Variants in DCAF12 observed in about 807,000 individuals in gnomAD.
DCAF12 encodes the protein DDB1 and CUL4 associated factor 12, also known as DDB1- and CUL4-associated factor 12.
A neutral mutation model predicts 52.8 loss-of-function variants in DCAF12; 28 were observed. That is an observed-to-expected ratio of 0.53 (90% CI 0.39 to 0.73). The LOEUF (loss-of-function observed/expected upper bound fraction) is 0.73. Among genes scored for constraint, DCAF12 ranks in the 30% least tolerant of loss-of-function variants. The pLI is 0.00. For missense variants in DCAF12, 425 were observed against 552.2 expected (o/e 0.77, Z 2.31); for synonymous variants, 196 against 215.5 (o/e 0.91, Z 0.79).
intron 6 of DCAF12, 136 bp downstream of exon 6, chr9:34,096,580 G>A: frequency 3.9e-6 from 3 of 771,054 alleles, no homozygotes; most frequent in Non-Finnish European, 6.0e-6. Context: ...CTCCAGCCTG[G>A]GCATCAGAGC....
rs760874548 is a variant in DCAF12, at chr9:34,098,444, A to G, written c.675T>C (p.Asn225=). The change falls in exon 5 of 9, where the codon AAT becomes AAC. Residue 225 remains asparagine (N), a synonymous_variant. Transcript: ENST00000361264. ...DVLTKSDARH[N]VSRVPVYAHI... ...GTGCATACACAGGGACCCGTGACAC[A>G]TTGTGTCTCGCATCACTTTTGGTCA... The G allele has an allele frequency of 1.8e-5, 29 of 1,614,042 alleles. No individual in the cohort carries two copies. The highest frequency in any genetic ancestry group is 2.2e-5 in the Non-Finnish European group (26 of 1,180,024).
At chr9:34,099,005 A>C (rs1828784651) in intron 4 of DCAF12, among the ~76,000 whole-genome samples, 1 of 150,858 alleles carries the variant, frequency 6.6e-6, no homozygotes, top group Non-Finnish European at 1.5e-5. Context: ...CCTGAGTTCC[A>C]GCGATCAGCC....
At chr9:34,100,262 G>C (rs950308319) in intron 4 of DCAF12, among the ~76,000 whole-genome samples, 19 of 145,476 alleles carry the variant, frequency 1.3e-4, no homozygotes, top group Non-Finnish European at 2.5e-4. Flanking sequence ...GCAGTGGTGC[G>C]ATCTTGGCTC....
chr9:34,094,737 A>G (rs1045394380), intron 6 of DCAF12, among the ~76,000 whole-genome samples: 11 of 151,542 alleles, frequency 7.3e-5, no homozygotes, highest in African/African-American at 9.7e-5. Context: ...TCACCATGTT[A>G]GCCAGGATGG....
chr9:34,100,692 G>A (rs1049793509), intron 4 of DCAF12, among the ~76,000 whole-genome samples: 2 of 151,190 alleles, frequency 1.3e-5, no homozygotes, highest in Admixed American at 6.6e-5. Flanking sequence ...TATAGACAGG[G>A]TTTTGTCATA....
chr9:34,106,219 A>T (rs1443129283), intron 4 of DCAF12, among the ~76,000 whole-genome samples: 1 of 151,872 alleles, frequency 6.6e-6, no homozygotes, highest in East Asian at 1.9e-4. Context: ...CAACCTTCTG[A>T]GTATCTGGGA....
intron 2 of DCAF12, among the ~76,000 whole-genome samples, chr9:34,108,191 C>T (rs184838403): frequency 7.9e-5 from 12 of 152,282 alleles, no homozygotes; most frequent in Admixed American, 3.9e-4. Context: ...TAGAGAAATG[C>T]TTTATGGAAA....
At chr9:34,116,410 C>T (rs192129449) in intron 2 of DCAF12, among the ~76,000 whole-genome samples, 3 of 151,994 alleles carry the variant, frequency 2.0e-5, no homozygotes, top group African/African-American at 7.3e-5. Flanking sequence ...GTGGCTCACA[C>T]CTGTAATCCC....
intron 2 of DCAF12, among the ~76,000 whole-genome samples, chr9:34,124,608 T>G (rs1049042442): frequency 2.3e-4 from 35 of 152,212 alleles, no homozygotes; most frequent in Middle Eastern, 3.2e-3. Context: ...AACAGCCAAG[T>G]GTGCTATTTT....
chr9:34,123,578 C>G (rs1297284866), intron 2 of DCAF12, among the ~76,000 whole-genome samples: 1 of 152,018 alleles, frequency 6.6e-6, no homozygotes, highest in African/African-American at 2.4e-5. Flanking sequence ...CTCCCCTTGC[C>G]CCAAACACTA....
intron 2 of DCAF12, among the ~76,000 whole-genome samples, chr9:34,118,541 T>A (rs1422353521): frequency 6.6e-6 from 1 of 152,202 alleles, no homozygotes; most frequent in African/African-American, 2.4e-5. Flanking sequence ...TGGTGACATT[T>A]CCAGGTATAA....
At chr9:34,121,635 C>T (rs1376566707) in intron 2 of DCAF12, among the ~76,000 whole-genome samples, 1 of 152,070 alleles carries the variant, frequency 6.6e-6, no homozygotes, top group Non-Finnish European at 1.5e-5. Flanking sequence ...CACACCCCAC[C>T]CCCAGCCCCT....
At position 34,088,379 on chromosome 9, in the gene DCAF12, G is replaced by A; in HGVS notation, c.1333C>T (p.His445Tyr). 1 of 1,608,162 alleles carries A rather than the reference G, an allele frequency of 6.2e-7. No individual in the cohort carries two copies. The highest frequency in any genetic ancestry group is 8.5e-7 in the Non-Finnish European group (1 of 1,177,246). The change falls in exon 9 of 9, where the codon CAT becomes TAT. Residue 445 changes from histidine (H) to tyrosine (Y), a missense_variant. This residue lies in a region of DCAF12 where 8 missense variants were observed against 22.9 expected (regional missense o/e 0.35). Coordinates refer to ENST00000361264, the MANE Select transcript of DCAF12 (RefSeq NM_015397.4). The stretch of plus-strand genomic sequence containing the variant: ...CTCCAGAGCCCAGCATAGTTTCCAT[G>A]GAGCCCTGAAGGGAGGGGACCTCCT... ...VAGGPLPSGLHGNYAGLWS is the reference protein window; with the variant it reads ...VAGGPLPSGLYGNYAGLWS
At chr9:34,110,492 G>A (rs1370015101) in intron 2 of DCAF12, among the ~76,000 whole-genome samples, 2 of 152,076 alleles carry the variant, frequency 1.3e-5, no homozygotes, top group Non-Finnish European at 2.9e-5. Context: ...TCTATTATAA[G>A]CAGAGTCAAC....
At chr9:34,089,653 C>A in intron 7 of DCAF12, 63 bp from the exon 8 acceptor site, 2 of 1,488,710 alleles carry the variant, frequency 1.3e-6, no homozygotes, top group Non-Finnish European at 9.0e-7. Context: ...TGTCTGCTAG[C>A]CTGAATTTCT....
rs916796159 is a variant in DCAF12 at position 34,088,351 on chromosome 9, T to C, written c.1361A>G (p.Ter454=). ...LHGNYAGLWS[*] is the part of the protein sequence containing the mutation. Reference sequence around the variant, plus strand: ...ATCTCTGCATTTGGGGAGTTGTCATTAACTCCAGAGCCCAGCATAGTTTCC... The same window carrying C: ...ATCTCTGCATTTGGGGAGTTGTCATCAACTCCAGAGCCCAGCATAGTTTCC... The change falls in exon 9 of 9, where the codon TAA becomes TGA. Residue 454 remains the stop codon, a stop_retained_variant. Transcript: ENST00000361264. 1.3e-6 allele frequency: 2 copies of C among 1,551,238 alleles called. No homozygotes were observed. Among genetic ancestry groups the C allele is most frequent in the Non-Finnish European group, 1.7e-6 (2 of 1,153,444 alleles).
intron 7 of DCAF12, 65 bp from the exon 8 acceptor site, chr9:34,089,655 T>A: frequency 1.4e-6 from 2 of 1,480,208 alleles, no homozygotes; most frequent in Non-Finnish European, 9.1e-7. Context: ...TCTGCTAGCC[T>A]GAATTTCTCC....
chr9:34,108,984 T>TTATATA (rs10580795), intron 2 of DCAF12, among the ~76,000 whole-genome samples: 1 of 140,712 alleles, frequency 7.1e-6, no homozygotes, highest in African/African-American at 2.6e-5. Context: ...GTATATGTTT[T>TTATATA]TATATATATA....
chr9:34,093,538 C>G, intron 6 of DCAF12, 90 bp from the exon 7 acceptor site: 1 of 1,405,304 alleles, frequency 7.1e-7, no homozygotes, highest in Non-Finnish European at 9.9e-7. Flanking sequence ...ATGGGCTTCC[C>G]TCATATAAAA....
Sources: gnomAD v4.1 joint callset for allele counts (sites outside exome capture counted in the v4.1 genomes callset) on GRCh38, gnomAD v4.1.1 for gene constraint, gnomAD v4.1.1 regional missense constraint, MANE v1.5 for transcripts, NCBI Gene and HGNC (gene_info 2026-07-23, HGNC 2026-07-21) for gene names.